Variants in MYT1L observed in about 807,000 individuals in gnomAD.
MYT1L encodes myelin transcription factor 1-like protein.
Under a neutral mutation model 126.7 loss-of-function variants are expected in MYT1L, and 12 were observed. The ratio of observed to expected loss-of-function variants is 0.09; its 90% CI spans 0.06 to 0.15. MYT1L has a LOEUF of 0.15. MYT1L is among the 10% of genes least tolerant of loss of function. The pLI, the probability that MYT1L is intolerant of heterozygous loss-of-function variation, is 1.00. For synonymous variants in MYT1L, 541 were observed against 604.2 expected (o/e 0.90, Z 1.53); for missense variants, 979 against 1,585.2 (o/e 0.62, Z 6.49).
In MYT1L at chr2:1,887,624, C is replaced by T. The variant is rs1318144485; in HGVS notation, c.2521-15G>A. On this transcript the variant is annotated splice_polypyrimidine_tract_variant and intron_variant, in intron 16 of 24. Transcript: ENST00000647738. This position sits in a 1 kb window ranked among gnomAD's most constrained non-coding sequence, Gnocchi z 4.8. ...AAGTCTTCTGGCTGTGGGCAAAACA[C>T]AGCTTCAGAGCCACACGGATGATCA... 6.2e-7 allele frequency: 1 copy of T among 1,613,964 alleles called. No homozygotes were observed. Among genetic ancestry groups the T allele is most frequent in the South Asian group, 1.1e-5 (1 of 91,084 alleles).
At chr2:2,245,038 C>G (rs1230343664) in intron 2 of MYT1L, among the ~76,000 whole-genome samples, 1 of 152,170 alleles carries the variant, frequency 6.6e-6, no homozygotes, top group Non-Finnish European at 1.5e-5. Flanking sequence ...GTGTCTAGCA[C>G]CCCACTTGCA....
chr2:2,227,825 A>T (rs530872021), intron 2 of MYT1L, among the ~76,000 whole-genome samples: 2 of 152,348 alleles, frequency 1.3e-5, no homozygotes, highest in African/African-American at 2.4e-5. Flanking sequence ...AAACAGCCGT[A>T]GTTTAACCAA....
At position 1,792,042 on chromosome 2, in the gene MYT1L, T is replaced by C. The variant is rs760813830; in HGVS notation, c.3421-35A>G. The C allele has an allele frequency of 7.6e-6, 11 of 1,451,382 alleles. No homozygotes were observed. The African/African-American group carries it at 1.1e-4, about 15-fold the overall frequency. The allele number at this position is 1,451,382 out of a possible 1,614,324, so 89.9% of individuals were successfully genotyped here. A position where few individuals can be genotyped will look rare whatever the true frequency, so the allele number is the denominator to read the frequency against. On this transcript the variant is annotated intron_variant, in intron 24 of 24. Transcript: ENST00000647738. The stretch of plus-strand genomic sequence containing the variant: ...ATTAAATAGTAGTTCATATACAACT[T>C]TTATTTTCTTAATAGTATATTTACA...
intron 18 of MYT1L, among the ~76,000 whole-genome samples, chr2:1,871,742 T>C (rs1212619227): frequency 6.6e-6 from 1 of 152,072 alleles, no homozygotes; most frequent in Non-Finnish European, 1.5e-5. Flanking sequence ...AACAAGTATG[T>C]GTTGAAAAAA....
chr2:1,876,211 C>T (rs2046886761), intron 18 of MYT1L, among the ~76,000 whole-genome samples: 2 of 152,116 alleles, frequency 1.3e-5, no homozygotes, highest in Admixed American at 1.3e-4. Flanking sequence ...ATTTTAATTC[C>T]CAGAAAATCG....
intron 13 of MYT1L, among the ~76,000 whole-genome samples, chr2:1,909,116 T>C (rs1391167161): frequency 6.6e-6 from 1 of 152,196 alleles, no homozygotes; most frequent in African/African-American, 2.4e-5. Flanking sequence ...CCTAAATAAA[T>C]AATTTACTTT....
At chr2:2,069,209 C>T (rs2074288196) in intron 3 of MYT1L, among the ~76,000 whole-genome samples, 1 of 152,106 alleles carries the variant, frequency 6.6e-6, no homozygotes, top group South Asian at 2.1e-4. Flanking sequence ...TCTCCTAATG[C>T]TCTCCCTCTC....
intron 2 of MYT1L, among the ~76,000 whole-genome samples, chr2:2,226,005 C>G (rs1368056596): frequency 6.6e-6 from 1 of 152,118 alleles, no homozygotes; most frequent in African/African-American, 2.4e-5. Context: ...ACGCTAACTC[C>G]TAAGCACCAT....
At chr2:1,902,238 T>C (rs1372483015) in intron 14 of MYT1L, among the ~76,000 whole-genome samples, 1 of 152,244 alleles carries the variant, frequency 6.6e-6, no homozygotes, top group Non-Finnish European at 1.5e-5. Flanking sequence ...GTTCATACTC[T>C]AGGTAGTGGT....
chr2:1,846,078 C>G (rs2042455062), intron 19 of MYT1L, among the ~76,000 whole-genome samples: 1 of 152,230 alleles, frequency 6.6e-6, no homozygotes, highest in African/African-American at 2.4e-5. Context: ...TCTTTCAGGT[C>G]AGATTCCCAC....
chr2:1,804,338 T>C (rs1572385267), intron 22 of MYT1L, among the ~76,000 whole-genome samples: 1 of 152,126 alleles, frequency 6.6e-6, no homozygotes, highest in South Asian at 2.1e-4. Flanking sequence ...GCCAGGCTGG[T>C]CTTGAACTCC....
At chr2:2,027,657 A>C (rs115559132) in intron 4 of MYT1L, among the ~76,000 whole-genome samples, 1,865 of 152,334 alleles carry the variant, frequency 0.012, 37 homozygotes, top group African/African-American at 0.042. Context: ...ATACCCACTA[A>C]AAGGCTGGTT....
intron 3 of MYT1L, among the ~76,000 whole-genome samples, chr2:2,102,020 C>T (rs1435469410): frequency 6.6e-6 from 1 of 152,184 alleles, no homozygotes; most frequent in Non-Finnish European, 1.5e-5. Flanking sequence ...ATCTTGCTGG[C>T]ATGCCCTTTC....
intron 2 of MYT1L, among the ~76,000 whole-genome samples, chr2:2,191,153 G>A (rs2148739777): frequency 6.6e-6 from 1 of 152,258 alleles, no homozygotes; most frequent in South Asian, 2.1e-4. Context: ...TCAGGCAGAG[G>A]GAACTTCCAG....
At chr2:2,147,212 T>C (rs113794808) in intron 3 of MYT1L, among the ~76,000 whole-genome samples, 63 of 152,316 alleles carry the variant, frequency 4.1e-4, no homozygotes, top group African/African-American at 1.5e-3. Flanking sequence ...CTAATGATAA[T>C]GAACAGCACC....
At chr2:2,217,403 C>T (rs1220411450) in intron 2 of MYT1L, among the ~76,000 whole-genome samples, 1 of 152,002 alleles carries the variant, frequency 6.6e-6, no homozygotes, top group East Asian at 1.9e-4. Flanking sequence ...GAAAATCCAG[C>T]CAGGCACGGT....
chr2:2,082,864 C>T (rs921065283), intron 3 of MYT1L, among the ~76,000 whole-genome samples: 1 of 152,210 alleles, frequency 6.6e-6, no homozygotes, highest in East Asian at 1.9e-4. Flanking sequence ...TAAGCAATCT[C>T]CTCATCGCCC....
rs2043337808 is a variant in MYT1L at position 1,852,041 on chromosome 2, C to T, written c.2712-338G>A. On this transcript the variant is annotated intron_variant, in intron 18 of 24. Coordinates refer to ENST00000647738, the MANE Select transcript of MYT1L (RefSeq NM_001303052.2). The surrounding 1 kb of genome is among the most constrained non-coding windows in gnomAD (Gnocchi z 4.0). ...TCTTAAAGCTCAGCAGAGCCAGCAA[C>T]CACAGGGCTTGTTACTGCACCAGCC... is the stretch of plus-strand genomic sequence containing the variant. Among the ~76,000 whole-genome samples, 1 of 152,198 alleles carries T rather than the reference C, an allele frequency of 6.6e-6. No individual in the cohort carries two copies. Among genetic ancestry groups the T allele is most frequent in the Non-Finnish European group, 1.5e-5 (1 of 68,038 alleles).
intron 2 of MYT1L, among the ~76,000 whole-genome samples, chr2:2,271,957 A>G (rs1337704704): frequency 2.0e-5 from 3 of 152,140 alleles, no homozygotes; most frequent in Non-Finnish European, 4.4e-5. Flanking sequence ...AGGCTGGGAA[A>G]ATTGTCTTCA....
Sources: gnomAD v4.1 joint callset for allele counts (sites outside exome capture counted in the v4.1 genomes callset) on GRCh38, gnomAD v4.1.1 for gene constraint, Gnocchi (gnomAD v3.1) non-coding constraint, MANE v1.5 for transcripts, NCBI Gene and HGNC (gene_info 2026-07-23, HGNC 2026-07-21) for gene names.